MXRA7: variants seen among roughly 807,000 people sequenced by gnomAD.
The protein encoded by MXRA7 is matrix-remodeling-associated protein 7.
MXRA7 carries 18 observed loss-of-function variants against 17.4 expected under a neutral mutation model. The ratio of observed to expected loss-of-function variants is 1.03; its 90% CI spans 0.71 to 1.53. The LOEUF is 1.53. Among genes scored for constraint, MXRA7 ranks in the 40% most tolerant of loss-of-function variants. MXRA7 has a pLI of 0.00. For missense variants in MXRA7, 141 were observed against 209.3 expected, an observed-to-expected ratio of 0.67 and a Z score of 2.01; for synonymous variants, 70 against 101.7, an observed-to-expected ratio of 0.69 and a Z score of 1.87.
At chr17:76,678,105 CT>C (rs1159137532), downstream of MXRA7, among the ~76,000 whole-genome samples, 1 of 152,156 alleles carries the variant, frequency 6.6e-6, no homozygotes, top group Non-Finnish European at 1.5e-5. Flanking sequence ...TAGAAACAGC[CT>C]TCGTTGAGAG....
At chr17:76,702,872 C>CGTATATATATATACACATACGT (rs1567988764) in intron 1 of MXRA7, among the ~76,000 whole-genome samples, 3 of 147,232 alleles carry the variant, frequency 2.0e-5, no homozygotes, top group Non-Finnish European at 3.0e-5. Context: ...TATATATATA[C>CGTATATATATATACACATACGT]GTATATATAT....
rs1555640953 is a variant in MXRA7 at position 76,681,816 on chromosome 17, G to GGAA, written c.501-938_501-937insTTC. On this transcript the variant is annotated intron_variant, in intron 3 of 3. Coordinates refer to ENST00000449428, the MANE Select transcript of MXRA7 (RefSeq NM_198530.4). The surrounding 1 kb of genome is among the most constrained non-coding windows in gnomAD (Gnocchi z 4.7). ...GCCCTGCCAGCTTCCCTAGCTCTGG[G>GGAA]GGAGGAGGAGGAGGCCTCTTGCTCA... Among the ~76,000 whole-genome samples, 48 of 152,280 alleles carry GGAA rather than the reference G, an allele frequency of 3.2e-4. No homozygotes were observed. The highest frequency in any genetic ancestry group is 1.2e-3 in the African/African-American group (48 of 41,540).
chr17:76,697,998 G>A (rs1000706221), intron 1 of MXRA7, among the ~76,000 whole-genome samples: 18 of 152,194 alleles, frequency 1.2e-4, no homozygotes, highest in African/African-American at 4.3e-4. Flanking sequence ...ATTTCTGCCT[G>A]CGTGTCTGCT....
chr17:76,678,862 G>C (rs1749411974), downstream of MXRA7, among the ~76,000 whole-genome samples: 2 of 152,074 alleles, frequency 1.3e-5, no homozygotes, highest in African/African-American at 4.8e-5. Context: ...AAAATTTTCT[G>C]TCTAGAGCAG....
rs148752164 is a variant in MXRA7, at chr17:76,690,703, A to G, written c.343-2527T>C. ...GGTTTCGGCCCCCAGTTCTTGACAC[A>G]GTTTTTATTTTGTTTGTTTTTTGAG... is the stretch of plus-strand genomic sequence containing the variant. On this transcript the variant is annotated intron_variant, in intron 1 of 3. Coordinates refer to ENST00000449428, the MANE Select transcript of MXRA7 (RefSeq NM_198530.4). Among the ~76,000 whole-genome samples, 1,020 of 152,172 alleles carry G rather than the reference A, an allele frequency of 6.7e-3. 11 individuals are homozygous for G. Among genetic ancestry groups the G allele is most frequent in the African/African-American group, 0.023 (939 of 41,528 alleles).
chr17:76,683,450 A>T (rs1306798403), intron 3 of MXRA7, among the ~76,000 whole-genome samples: 1 of 152,232 alleles, frequency 6.6e-6, no homozygotes, highest in Non-Finnish European at 1.5e-5. Flanking sequence ...TTCTCAGAGT[A>T]TCTGCTGTGC....
At chr17:76,685,531 A>G (rs2286591) in intron 2 of MXRA7, among the ~76,000 whole-genome samples, 108,331 of 152,050 alleles carry the variant, frequency 0.71, 40,077 homozygotes, top group Non-Finnish European at 0.82. Context: ...GACACACACC[A>G]CGCCTGCCTG....
At chr17:76,672,753 G>C (rs1367676516) in exon 4 of MXRA7, 1 of 152,184 alleles carries the variant, frequency 6.6e-6, no homozygotes, top group Non-Finnish European at 1.5e-5. Context: ...TGTCTCCAGA[G>C]ATGATGTATA....
chr17:76,677,655 T>C, downstream of MXRA7: 4 of 1,613,970 alleles, frequency 2.5e-6, no homozygotes, highest in Non-Finnish European at 3.4e-6. Flanking sequence ...CGTCTCCTTG[T>C]TGTCTTTCAT....
intron 1 of MXRA7, chr17:76,703,627 G>GT (rs111263497): frequency 0.29 from 43,542 of 151,126 alleles, 7,521 homozygotes; most frequent in Non-Finnish European, 0.39. Flanking sequence ...TTTGTTTTTT[G>GT]TTTTTTAAAG....
chr17:76,707,291 CTTTTTTT>C (rs56067261), intron 1 of MXRA7, among the ~76,000 whole-genome samples: 1 of 96,126 alleles, frequency 1.0e-5, no homozygotes, highest in Non-Finnish European at 1.9e-5. Context: ...AGTCCCTACT[CTTTTTTT>C]TTTTTTTTTT....
intron 1 of MXRA7, among the ~76,000 whole-genome samples, chr17:76,694,537 T>C (rs1446004222): frequency 6.6e-6 from 1 of 152,182 alleles, no homozygotes; most frequent in East Asian, 1.9e-4. Context: ...TCTGGGTAAC[T>C]TGTTAGGCTT....
At chr17:76,705,879 A>C (rs1182605351) in intron 1 of MXRA7, among the ~76,000 whole-genome samples, 1 of 152,272 alleles carries the variant, frequency 6.6e-6, no homozygotes, top group Non-Finnish European at 1.5e-5. Flanking sequence ...CTTAAAGACA[A>C]GGACCTAAAG....
At chr17:76,710,142 T>C (rs9915664) in intron 1 of MXRA7, 125,024 of 152,426 alleles carry the variant, frequency 0.82, 52,986 homozygotes, top group Non-Finnish European at 0.92. Context: ...AAAGCCAGCT[T>C]TCCTCCCTCG....
intron 1 of MXRA7, among the ~76,000 whole-genome samples, chr17:76,692,130 G>T (rs1035665615): frequency 1.3e-4 from 20 of 151,684 alleles, no homozygotes; most frequent in African/African-American, 4.3e-4. Context: ...CAGGTGCGTC[G>T]CTTGAGCCCA....
intron 1 of MXRA7, among the ~76,000 whole-genome samples, chr17:76,709,339 C>T (rs1160866826): frequency 6.6e-6 from 1 of 152,216 alleles, no homozygotes; most frequent in East Asian, 1.9e-4. Flanking sequence ...CCTCCACCAT[C>T]ACCGCGTGAG....
At chr17:76,676,412 G>C (rs1357237980), downstream of MXRA7, 1 of 152,198 alleles carries the variant, frequency 6.6e-6, no homozygotes, top group Non-Finnish European at 1.5e-5. Context: ...CTTACCTCTA[G>C]TACTATTGTT....
chr17:76,684,539 G>A (rs1262719008), intron 3 of MXRA7: 8 of 317,568 alleles, frequency 2.5e-5, no homozygotes, highest in Non-Finnish European at 5.0e-5. Context: ...CTGTGCAGGG[G>A]GTGTCCAAAT....
At chr17:76,697,940 G>A (rs905849097) in intron 1 of MXRA7, among the ~76,000 whole-genome samples, 38 of 151,788 alleles carry the variant, frequency 2.5e-4, no homozygotes, top group Admixed American at 2.4e-3. Flanking sequence ...GCGGGGGGAG[G>A]GGAGAGAGAG....
Sources: allele counts gnomAD v4.1 joint callset (sites outside exome capture counted in the v4.1 genomes callset), GRCh38; gene constraint gnomAD v4.1.1; non-coding constraint Gnocchi (gnomAD v3.1); transcripts MANE v1.5; gene names NCBI Gene and HGNC (gene_info 2026-07-23, HGNC 2026-07-21).